LINGO2: variants seen among roughly 807,000 people sequenced by gnomAD.
LINGO2 encodes leucine rich repeat and Ig domain containing 2.
Under a neutral mutation model 30.6 loss-of-function variants are expected in LINGO2, and 14 were observed. The ratio of observed to expected loss-of-function variants is 0.46; its 90% CI spans 0.30 to 0.72. LINGO2 has a LOEUF of 0.72. LINGO2 is among the 30% of genes least tolerant of loss of function. The probability of loss-of-function intolerance (pLI) is 0.07; values close to 1 mark genes in which losing one functional copy is unlikely to be tolerated. For synonymous variants in LINGO2, 317 were observed against 288.5 expected, an observed-to-expected ratio of 1.10 and a Z score of -1.00; for missense variants, 729 against 751.7, an observed-to-expected ratio of 0.97 and a Z score of 0.35.
the LINGO2 span, among the ~76,000 whole-genome samples, chr9:28,796,757 T>C: frequency 1.3e-5 from 2 of 151,992 alleles, no homozygotes; most frequent in Admixed American, 6.6e-5. Flanking sequence ...TTAATCATTA[T>C]AGATAAAAGT....
chr9:28,815,676 C>T, the LINGO2 span, among the ~76,000 whole-genome samples: 1 of 151,950 alleles, frequency 6.6e-6, no homozygotes. Flanking sequence ...AAAATCGAAA[C>T]CAAGAGTACC....
At chr9:28,986,435 CT>C in the LINGO2 span, among the ~76,000 whole-genome samples, 2 of 151,934 alleles carry the variant, frequency 1.3e-5, no homozygotes, top group African/African-American at 4.8e-5. Flanking sequence ...TCAACAAAAA[CT>C]ACATTCAATC....
chr9:28,119,943 A>C (rs1006798071), intron 4 of LINGO2, among the ~76,000 whole-genome samples: 1 of 152,226 alleles, frequency 6.6e-6, no homozygotes, highest in African/African-American at 2.4e-5. Flanking sequence ...ACAGGTTAAA[A>C]TACTAGAGTT....
the LINGO2 span, among the ~76,000 whole-genome samples, chr9:28,709,678 T>C: frequency 3.9e-5 from 6 of 151,962 alleles, no homozygotes; most frequent in Non-Finnish European, 7.4e-5. Context: ...AAATATAGTA[T>C]ATGAGTGAAT....
At chr9:28,444,213 G>A (rs1343966114) in intron 2 of LINGO2, among the ~76,000 whole-genome samples, 2 of 152,158 alleles carry the variant, frequency 1.3e-5, no homozygotes. Flanking sequence ...GCTGTAACAT[G>A]TTCCTGGCCA....
At chr9:27,991,122 T>A (rs968306898) in intron 5 of LINGO2, among the ~76,000 whole-genome samples, 1 of 151,990 alleles carries the variant, frequency 6.6e-6, no homozygotes, top group Non-Finnish European at 1.5e-5. Flanking sequence ...AAGGAAAAAT[T>A]ACACAAACCT....
the LINGO2 span, among the ~76,000 whole-genome samples, chr9:28,976,289 AG>A: frequency 1.3e-5 from 2 of 152,160 alleles, no homozygotes; most frequent in African/African-American, 4.8e-5. Flanking sequence ...ATAGAACCCT[AG>A]ACAGTGATCT....
intron 4 of LINGO2, among the ~76,000 whole-genome samples, chr9:28,151,045 G>A (rs1392544109): frequency 6.6e-6 from 1 of 152,124 alleles, no homozygotes; most frequent in African/African-American, 2.4e-5. Context: ...TGATTATTTT[G>A]AAAGCCAGAG....
At chr9:29,133,760 A>G in the LINGO2 span, among the ~76,000 whole-genome samples, 1 of 152,168 alleles carries the variant, frequency 6.6e-6, no homozygotes, top group East Asian at 1.9e-4. Context: ...CATCACTGTC[A>G]ATCATGCTAC....
intron 4 of LINGO2, among the ~76,000 whole-genome samples, chr9:28,212,119 G>A (rs1020833179): frequency 6.6e-6 from 1 of 151,294 alleles, no homozygotes; most frequent in Non-Finnish European, 1.5e-5. Flanking sequence ...TAATAACTTT[G>A]AGCTTTGTCT....
intron 4 of LINGO2, among the ~76,000 whole-genome samples, chr9:28,273,194 C>A (rs927992497): frequency 2.0e-5 from 3 of 152,160 alleles, no homozygotes; most frequent in African/African-American, 7.2e-5. Context: ...GCTGACCACA[C>A]GGCCCCTTGT....
chr9:28,640,529 T>TA (rs1351208026), intron 1 of LINGO2, among the ~76,000 whole-genome samples: 2 of 150,964 alleles, frequency 1.3e-5, no homozygotes, highest in South Asian at 2.1e-4. Flanking sequence ...TTTTTTTTTT[T>TA]AATTGTTTTT....
intron 5 of LINGO2, among the ~76,000 whole-genome samples, chr9:28,007,311 A>G (rs745729663): frequency 2.0e-5 from 3 of 152,162 alleles, no homozygotes; most frequent in Non-Finnish European, 2.9e-5. Context: ...AGTCATTTAT[A>G]GAAGAATAGA....
chr9:29,022,479 A>C, the LINGO2 span, among the ~76,000 whole-genome samples: 1 of 152,164 alleles, frequency 6.6e-6, no homozygotes, highest in East Asian at 1.9e-4. Context: ...TTCCTCTGTC[A>C]GGTGATTTTC....
intron 2 of LINGO2, among the ~76,000 whole-genome samples, chr9:28,463,061 G>A (rs1825146749): frequency 6.6e-6 from 1 of 151,732 alleles, no homozygotes. Context: ...AGACACTTCT[G>A]TTTTACACTA....
chr9:27,938,206 G>A, the LINGO2 span: 1 of 152,162 alleles, frequency 6.6e-6, no homozygotes, highest in Admixed American at 6.6e-5. Context: ...TTTTGTAAAA[G>A]TCAATGACAT....
chr9:28,804,799 A>G, the LINGO2 span, among the ~76,000 whole-genome samples: 1 of 152,148 alleles, frequency 6.6e-6, no homozygotes, highest in Non-Finnish European at 1.5e-5. Context: ...CCAACCAATC[A>G]GAGATCATTT....
chr9:28,962,475 T>A, the LINGO2 span, among the ~76,000 whole-genome samples: 5 of 152,028 alleles, frequency 3.3e-5, no homozygotes, highest in African/African-American at 1.2e-4. Flanking sequence ...AAACCAAGGA[T>A]AATAAATATG....
chr9:28,170,253 A>C (rs1828545395), intron 4 of LINGO2, among the ~76,000 whole-genome samples: 2 of 152,338 alleles, frequency 1.3e-5, no homozygotes, highest in South Asian at 4.1e-4. Context: ...CAGACACTAC[A>C]TGACATTGTT....
Sources: allele counts gnomAD v4.1 joint callset (sites outside exome capture counted in the v4.1 genomes callset), GRCh38; gene constraint gnomAD v4.1.1; transcripts MANE v1.5; gene names NCBI Gene and HGNC (gene_info 2026-07-23, HGNC 2026-07-21).